Variants in SH2B3 observed in about 807,000 individuals in gnomAD.
SH2B3 encodes the protein SH2B adapter protein 3.
SH2B3 carries 43 observed loss-of-function variants against 51.9 expected under a neutral mutation model. That is an observed-to-expected ratio of 0.83 (90% CI 0.65 to 1.07). The LOEUF is 1.07. Ranked by LOEUF, SH2B3 falls within the 50% of genes least tolerant of loss-of-function variation. SH2B3 has a pLI of 0.00. For synonymous variants in SH2B3, 396 were observed against 376.0 expected (o/e 1.05, Z -0.62); for missense variants, 952 against 834.3 (o/e 1.14, Z -1.74).
chr12:111,443,772 T>G (rs193075511), intron 2 of SH2B3: 7 of 152,342 alleles, frequency 4.6e-5, no homozygotes, highest in South Asian at 2.1e-4. Context: ...GTCATGCCTT[T>G]CGCTTGTGTT....
chr12:111,436,477 C>T (rs1010939709), intron 2 of SH2B3, among the ~76,000 whole-genome samples: 15 of 152,280 alleles, frequency 9.9e-5, no homozygotes, highest in South Asian at 6.2e-4. Flanking sequence ...AGAGTAGAAG[C>T]GTCCCACCAT....
chr12:111,423,228 A>T (rs571826010), intron 2 of SH2B3, among the ~76,000 whole-genome samples: 1 of 152,332 alleles, frequency 6.6e-6, no homozygotes, highest in African/African-American at 2.4e-5. Context: ...GCACAATCAG[A>T]AGCTGTTGGG....
In SH2B3 at chr12:111,443,502, C is replaced by T. The variant is rs533661191; in HGVS notation, c.733-3251C>T. 15 of 152,364 alleles carry T rather than the reference C, an allele frequency of 9.8e-5. No homozygotes were observed. The East Asian group carries it at 2.7e-3, about 27-fold the overall frequency. 9.4% of individuals were successfully genotyped at this position (152,364 alleles called of 1,614,324 possible). ...TGTGTTGTCTACAGTTGCACTGAAG[C>T]ACGTTTTATTTCGGCTAAGTGACAG... is the stretch of plus-strand genomic sequence containing the variant. On this transcript the variant is annotated intron_variant, in intron 2 of 7. Transcript: ENST00000341259.
chr12:111,448,063 G>A lies in SH2B3; in HGVS notation c.1489G>A (p.Gly497Ser). 2 of 1,613,948 alleles carry A rather than the reference G, an allele frequency of 1.2e-6. No homozygotes were observed. Among genetic ancestry groups the A allele is most frequent in the Non-Finnish European group, 1.7e-6 (2 of 1,179,904 alleles). Residue 497 changes from glycine (G) to serine (S), a missense_variant, in exon 8 of 8, where the codon GGC becomes AGC. Coordinates refer to ENST00000341259, the MANE Select transcript of SH2B3 (RefSeq NM_005475.3). ...CCTTCCTCACTGGGGTTCAGAGTTG[G>A]GCCTTCCCCACCTTAGTTCTTCTGG... is the stretch of plus-strand genomic sequence containing the variant. ...ESLPHWGSEL[G>S]LPHLSSSGCP...
intron 1 of SH2B3, among the ~76,000 whole-genome samples, chr12:111,414,173 T>C (rs1200432629): frequency 6.6e-6 from 1 of 152,212 alleles, no homozygotes; most frequent in African/African-American, 2.4e-5. Flanking sequence ...AGGAAGAACA[T>C]GGTGGCCAAG....
intron 2 of SH2B3, among the ~76,000 whole-genome samples, chr12:111,434,500 C>T (rs1481363246): frequency 6.6e-6 from 1 of 152,222 alleles, no homozygotes; most frequent in African/African-American, 2.4e-5. Flanking sequence ...GATATTAGCT[C>T]TGTCCCATGT....
chr12:111,432,240 C>T (rs1158288206), intron 2 of SH2B3, among the ~76,000 whole-genome samples: 4 of 151,526 alleles, frequency 2.6e-5, no homozygotes, highest in African/African-American at 4.9e-5. Context: ...TTAGTAGAGA[C>T]GGGGTTTCAC....
intron 2 of SH2B3, among the ~76,000 whole-genome samples, chr12:111,425,009 A>G (rs1871878454): frequency 6.6e-6 from 1 of 152,092 alleles, no homozygotes; most frequent in Non-Finnish European, 1.5e-5. Context: ...CAGGGCTGGA[A>G]GAGGCTTTGG....
At chr12:111,427,842 A>G (rs1872139301) in intron 2 of SH2B3, among the ~76,000 whole-genome samples, 1 of 152,192 alleles carries the variant, frequency 6.6e-6, no homozygotes, top group Admixed American at 6.5e-5. Flanking sequence ...CACTTTACTG[A>G]CCTGGCTTCA....
rs1040644421 is a variant in SH2B3 at position 111,418,019 on chromosome 12, C to T, written c.-27-100C>T. On this transcript the variant is annotated intron_variant, in intron 1 of 7. Coordinates refer to ENST00000341259, the MANE Select transcript of SH2B3 (RefSeq NM_005475.3). This position sits in a 1 kb window ranked among gnomAD's most constrained non-coding sequence, Gnocchi z 6.7. The stretch of plus-strand genomic sequence containing the variant: ...CTTCACCAGCACTGGGTGTTATGGT[C>T]GCGTTGGATTTCTGCTGTGGTGCCC... The T allele has an allele frequency of 9.4e-6, 8 of 851,650 alleles. No individual in the cohort carries two copies. The highest frequency in any genetic ancestry group is 5.7e-5 in the South Asian group (3 of 52,774). The allele number at this position is 851,650 out of a possible 1,614,324, so 52.8% of individuals were successfully genotyped here. A position where few individuals can be genotyped will look rare whatever the true frequency, so the allele number is the denominator to read the frequency against.
At position 111,446,956 on chromosome 12, in the gene SH2B3, A is replaced by G. The variant is rs1373197525; in HGVS notation, c.849A>G (p.Thr283=). The G allele has an allele frequency of 6.2e-7, 1 of 1,614,052 alleles. No individual in the cohort carries two copies. Among genetic ancestry groups the G allele is most frequent in the Admixed American group, 1.7e-5 (1 of 60,028 alleles). Reference sequence around the variant, plus strand: ...CTCCCTGCCAGGTGAAGGACCGGACAGACATCATCTTTGAGGTGGGAGACG... The same window carrying G: ...CTCCCTGCCAGGTGAAGGACCGGACGGACATCATCTTTGAGGTGGGAGACG... ...YTFVLKVKDR[T]DIIFEVGDEQ... Residue 283 remains threonine, a synonymous_variant, in exon 4 of 8, where the codon ACA becomes ACG. Coordinates refer to ENST00000341259, the MANE Select transcript of SH2B3 (RefSeq NM_005475.3).
intron 2 of SH2B3, among the ~76,000 whole-genome samples, chr12:111,425,550 C>A (rs1743894266): frequency 2.0e-5 from 3 of 152,262 alleles, no homozygotes; most frequent in Admixed American, 2.0e-4. Context: ...TTCGAGGGAA[C>A]AGGGAAAGGT....
intron 3 of SH2B3, 24 bp downstream of exon 3, chr12:111,446,878 C>A: frequency 6.2e-7 from 1 of 1,603,310 alleles, no homozygotes; most frequent in Non-Finnish European, 8.5e-7. Flanking sequence ...CTTTTCACAC[C>A]CTGGGGCAAT....
At chr12:111,422,385 C>T (rs966112860) in intron 2 of SH2B3, among the ~76,000 whole-genome samples, 1 of 152,138 alleles carries the variant, frequency 6.6e-6, no homozygotes, top group Non-Finnish European at 1.5e-5. Flanking sequence ...GGTTAAGCAC[C>T]TTTTCATATG....
chr12:111,432,669 A>C (rs1283158989), intron 2 of SH2B3, among the ~76,000 whole-genome samples: 2 of 152,124 alleles, frequency 1.3e-5, no homozygotes, highest in African/African-American at 4.8e-5. Context: ...GTCACTCCCC[A>C]TACCTCCCTC....
At chr12:111,432,192 C>T (rs1217436683) in intron 2 of SH2B3, among the ~76,000 whole-genome samples, 1 of 151,114 alleles carries the variant, frequency 6.6e-6, no homozygotes, top group East Asian at 1.9e-4. Flanking sequence ...GCCAGGATTA[C>T]AGGCATGTGC....
intron 1 of SH2B3, among the ~76,000 whole-genome samples, chr12:111,412,421 G>A (rs569250493): frequency 4.6e-5 from 7 of 152,268 alleles, no homozygotes; most frequent in South Asian, 4.1e-4. Flanking sequence ...TCCCCATGAC[G>A]CCCCGAGCCC....
At position 111,447,421 on chromosome 12, in the gene SH2B3, A is replaced by G; in HGVS notation, c.1113A>G (p.Arg371=). The change falls in exon 6 of 8, where the codon AGA becomes AGG. Residue 371 remains arginine, a synonymous_variant. Transcript: ENST00000341259. ...CCTGGTTCCACGGCCCCATCTCCAGAGTGAAAGCAGCTCAGCTGGTTCAGC... is the reference window on the plus strand; with the variant it reads ...CCTGGTTCCACGGCCCCATCTCCAGGGTGAAAGCAGCTCAGCTGGTTCAGC... ...CYPWFHGPIS[R]VKAAQLVQLQ... 6.2e-7 allele frequency: 1 copy of G among 1,613,978 alleles called. No homozygotes were observed. The highest frequency in any genetic ancestry group is 8.5e-7 in the Non-Finnish European group (1 of 1,179,958).
chr12:111,413,894 C>G (rs924080895), intron 1 of SH2B3, among the ~76,000 whole-genome samples: 7 of 152,202 alleles, frequency 4.6e-5, no homozygotes, highest in African/African-American at 1.7e-4. Flanking sequence ...CAGTTGGGAG[C>G]TCAGAAGAGG....
Sources: allele counts gnomAD v4.1 joint callset (sites outside exome capture counted in the v4.1 genomes callset), GRCh38; gene constraint gnomAD v4.1.1; non-coding constraint Gnocchi (gnomAD v3.1); transcripts MANE v1.5; gene names NCBI Gene and HGNC (gene_info 2026-07-23, HGNC 2026-07-21).